Variants in FKTN observed in about 807,000 individuals in gnomAD.
FKTN encodes ribitol-5-phosphate transferase FKTN.
Under a neutral mutation model 58.6 loss-of-function variants are expected in FKTN, and 47 were observed. The observed-to-expected ratio is 0.80, with a 90% CI of 0.63 to 1.02. The LOEUF (loss-of-function observed/expected upper bound fraction) is 1.02, where lower values mean the gene tolerates loss of function less well. Ranked by LOEUF, FKTN falls within the 50% of genes least tolerant of loss-of-function variation. FKTN has a pLI of 0.00. For synonymous variants in FKTN, 178 were observed against 191.9 expected (o/e 0.93, Z 0.60); for missense variants, 516 against 537.3 (o/e 0.96, Z 0.39).
At chr9:105,568,071 G>T (rs1323853253) in intron 1 of FKTN, among the ~76,000 whole-genome samples, 1 of 152,102 alleles carries the variant, frequency 6.6e-6, no homozygotes, top group Non-Finnish European at 1.5e-5. Context: ...AATGGTGCTG[G>T]GAAAACTGGC....
At chr9:105,594,409 T>C (rs1826368676) in intron 3 of FKTN, among the ~76,000 whole-genome samples, 1 of 152,124 alleles carries the variant, frequency 6.6e-6, no homozygotes, top group Admixed American at 6.5e-5. Context: ...AAGGGGAATG[T>C]AGTATGATTT....
chr9:105,581,841 C>T (rs199834846), intron 3 of FKTN, among the ~76,000 whole-genome samples: 16 of 152,294 alleles, frequency 1.1e-4, no homozygotes, highest in East Asian at 9.7e-4. Context: ...TAGGACCCTC[C>T]GAGCCAGGTG....
chr9:105,634,639 A>G (rs980042297), intron 10 of FKTN, among the ~76,000 whole-genome samples: 2 of 152,212 alleles, frequency 1.3e-5, no homozygotes. Context: ...CTTACTCTGT[A>G]TCCTTGGAAA....
rs1016591784 is a variant in FKTN, at chr9:105,614,408, G to T, written c.781-870G>T. Among the ~76,000 whole-genome samples the T allele has an allele frequency of 3.9e-5, 6 of 151,968 alleles. No individual in the cohort carries two copies. In the East Asian group the frequency reaches 1.2e-3, roughly 29 times the overall value. ...TTTCATTCATTCAGCAAATACTCAG[G>T]CACTACTCTACCCACTGGAGATATA... On this transcript the variant is annotated intron_variant, in intron 7 of 10. Coordinates refer to ENST00000357998, the MANE Select transcript of FKTN (RefSeq NM_001079802.2).
At position 105,568,829 on chromosome 9, in the gene FKTN, C is replaced by A. The variant is rs1840188603; in HGVS notation, c.-180-4826C>A. Among the ~76,000 whole-genome samples, 4 of 152,170 alleles carry A rather than the reference C, an allele frequency of 2.6e-5. No homozygotes were observed. The South Asian group carries it at 8.3e-4, about 32-fold the overall frequency. On this transcript the variant is annotated intron_variant, in intron 1 of 10. Coordinates refer to ENST00000357998, the MANE Select transcript of FKTN (RefSeq NM_001079802.2). ...ATTATAAGTCATGCTGCTATAAAGA[C>A]ACATGCACATGTATGTTTATTGTGG...
intron 1 of FKTN, among the ~76,000 whole-genome samples, chr9:105,572,661 G>A (rs573161340): frequency 6.6e-6 from 1 of 152,334 alleles, no homozygotes; most frequent in African/African-American, 2.4e-5. Context: ...GAAGTGCACA[G>A]ATACCCCATC....
chr9:105,563,652 G>A (rs1011471849), intron 1 of FKTN, among the ~76,000 whole-genome samples: 10 of 152,108 alleles, frequency 6.6e-5, no homozygotes, highest in East Asian at 5.8e-4. Context: ...CAGAGGGGCC[G>A]GGAAGCTCGA....
Position 105,639,914 on chromosome 9 carries a change from G to A in FKTN, c.*4650G>A, listed in dbSNP as rs1834308595. 4 of 1,440,466 alleles carry A rather than the reference G, an allele frequency of 2.8e-6. No homozygotes were observed. The South Asian group carries it at 6.0e-5, about 22-fold the overall frequency. The allele number at this position is 1,440,466 out of a possible 1,614,324, so 89.2% of individuals were successfully genotyped here. A position where few individuals can be genotyped will look rare whatever the true frequency, so the allele number is the denominator to read the frequency against. ...TTCAATATTCTAGCCTTTCCTAGAT[G>A]TAAATCTTTACCTCCTTGTTAGTGA... On this transcript the variant is annotated 3_prime_UTR_variant, in exon 11 of 11. Transcript: ENST00000357998.
chr9:105,582,608 A>G (rs941834874), intron 3 of FKTN, among the ~76,000 whole-genome samples: 44 of 152,202 alleles, frequency 2.9e-4, no homozygotes, highest in African/African-American at 1.0e-3. Context: ...TTTCCAGGCT[A>G]TATAATTTTA....
At chr9:105,619,872 A>G in intron 9 of FKTN, 62 bp from the exon 10 acceptor site, 1 of 1,436,242 alleles carries the variant, frequency 7.0e-7, no homozygotes. Flanking sequence ...TTTTTTAAAA[A>G]AAGGTTTTTA....
intron 1 of FKTN, among the ~76,000 whole-genome samples, chr9:105,564,450 T>C (rs990137975): frequency 3.3e-5 from 5 of 152,164 alleles, no homozygotes; most frequent in Admixed American, 6.5e-5. Flanking sequence ...GAGAAGTCCT[T>C]AAAGGACCTG....
chr9:105,561,083 T>C (rs1237580940), intron 1 of FKTN, among the ~76,000 whole-genome samples: 1 of 149,124 alleles, frequency 6.7e-6, no homozygotes, highest in Non-Finnish European at 1.5e-5. Context: ...AGAATCCGTC[T>C]CAAAAAACAA....
intron 10 of FKTN, among the ~76,000 whole-genome samples, chr9:105,621,907 G>A (rs544380366): frequency 5.7e-4 from 87 of 152,124 alleles, no homozygotes; most frequent in African/African-American, 2.0e-3. Flanking sequence ...TTATGCACAC[G>A]TGTGAAACCC....
At chr9:105,597,104 C>G (rs1564274062) in intron 4 of FKTN, among the ~76,000 whole-genome samples, 1 of 152,070 alleles carries the variant, frequency 6.6e-6, no homozygotes, top group Non-Finnish European at 1.5e-5. Context: ...ACAATATATC[C>G]TTGTTTTGTT....
chr9:105,639,946 A>G lies in FKTN; in HGVS notation c.*4682A>G, dbSNP rs1225051067. The stretch of plus-strand genomic sequence containing the variant: ...TTTACCTCCTTGTTAGTGAAATTAG[A>G]TATAAGCCATGATTTGGAGAGGGAA... On this transcript the variant is annotated 3_prime_UTR_variant, in exon 11 of 11. Transcript: ENST00000357998. 1 of 1,478,732 alleles carries G rather than the reference A, an allele frequency of 6.8e-7. No individual in the cohort carries two copies. The highest frequency in any genetic ancestry group is 8.9e-7 in the Non-Finnish European group (1 of 1,119,782). The allele number at this position is 1,478,732 out of a possible 1,614,324, so 91.6% of individuals were successfully genotyped here.
chr9:105,567,411 C>G (rs2131830429), intron 1 of FKTN, among the ~76,000 whole-genome samples: 2 of 152,282 alleles, frequency 1.3e-5, no homozygotes, highest in South Asian at 4.1e-4. Flanking sequence ...ATTGTCTCAG[C>G]CCAAAATCTC....
In FKTN at chr9:105,594,976, T is replaced by C. The variant is rs964515211; in HGVS notation, c.106-1622T>C. Among the ~76,000 whole-genome samples, 4 of 152,208 alleles carry C rather than the reference T, an allele frequency of 2.6e-5. No individual in the cohort carries two copies. The East Asian group carries it at 7.7e-4, about 29-fold the overall frequency. On this transcript the variant is annotated intron_variant, in intron 3 of 10. Transcript: ENST00000357998. The stretch of plus-strand genomic sequence containing the variant: ...ACCTAAATGTTCATCAACTAATGAA[T>C]GAATATACAATGGAATATTAGCCAT...
Position 105,588,202 on chromosome 9 carries a change from T to C in FKTN, c.106-8396T>C, listed in dbSNP as rs574124203. The stretch of plus-strand genomic sequence containing the variant: ...TCCTACTTTCTGGATGCTTTTTCTT[T>C]GATAATATATCTTTATTTGACCCAG... On this transcript the variant is annotated intron_variant, in intron 3 of 10. Coordinates refer to ENST00000357998, the MANE Select transcript of FKTN (RefSeq NM_001079802.2). 1.4e-4 allele frequency among the ~76,000 whole-genome samples: 22 copies of C among 152,354 alleles called. No homozygotes were observed. The South Asian group carries it at 4.3e-3, about 30-fold the overall frequency.
At chr9:105,613,042 T>C (rs1285334284) in intron 7 of FKTN, among the ~76,000 whole-genome samples, 2 of 152,178 alleles carry the variant, frequency 1.3e-5, no homozygotes, top group Non-Finnish European at 2.9e-5. Context: ...TATGTCCATA[T>C]GGGAGCAGTA....
Sources: gnomAD v4.1 joint callset for allele counts (sites outside exome capture counted in the v4.1 genomes callset) on GRCh38, gnomAD v4.1.1 for gene constraint, MANE v1.5 for transcripts, NCBI Gene and HGNC (gene_info 2026-07-23, HGNC 2026-07-21) for gene names.